Variants in MCC observed in about 807,000 individuals in gnomAD.
MCC encodes the protein MCC regulator of Wnt signaling pathway.
A neutral mutation model predicts 116.2 loss-of-function variants in MCC; 90 were observed. The ratio of observed to expected loss-of-function variants is 0.77; its 90% CI spans 0.65 to 0.92. The LOEUF (loss-of-function observed/expected upper bound fraction) is 0.92. Ranked by LOEUF, MCC falls within the 40% of genes least tolerant of loss-of-function variation. The probability of loss-of-function intolerance (pLI) is 0.00; values close to 1 mark genes in which losing one functional copy is unlikely to be tolerated. For synonymous variants in MCC, 578 were observed against 510.5 expected (o/e 1.13, Z -1.78); for missense variants, 1,516 against 1,312.2 (o/e 1.16, Z -2.40).
intron 3 of MCC, among the ~76,000 whole-genome samples, chr5:113,232,717 T>C (rs1763980371): frequency 6.6e-6 from 1 of 152,168 alleles, no homozygotes; most frequent in African/African-American, 2.4e-5. Context: ...GCAAATTAAG[T>C]ATAATTAATA....
At position 113,382,581 on chromosome 5, in the gene MCC, T is replaced by G. The variant is rs1198136179; in HGVS notation, c.415+2387A>C. Among the ~76,000 whole-genome samples, 3 of 152,160 alleles carry G rather than the reference T, an allele frequency of 2.0e-5. No individual in the cohort carries two copies. In the East Asian group the frequency reaches 5.8e-4, roughly 29 times the overall value. On this transcript the variant is annotated intron_variant, in intron 2 of 18. Transcript: ENST00000408903. ...ATTAGTGTCAATTTTTGGATGTATT[T>G]GATTTACGTTAGGCTGAATAGGGAG...
At chr5:113,142,309 G>C (rs1393363659) in intron 5 of MCC, among the ~76,000 whole-genome samples, 3 of 151,836 alleles carry the variant, frequency 2.0e-5, no homozygotes, top group African/African-American at 7.2e-5. Flanking sequence ...TCTCCAAAAA[G>C]GTAGGTGCCA....
chr5:113,097,018 T>C (rs1399722062), intron 8 of MCC, among the ~76,000 whole-genome samples: 1 of 152,134 alleles, frequency 6.6e-6, no homozygotes, highest in Admixed American at 6.5e-5. Context: ...AGAACTTTTA[T>C]GAATTTAAAC....
intron 6 of MCC, among the ~76,000 whole-genome samples, chr5:113,111,163 T>C (rs1757070749): frequency 1.3e-5 from 2 of 152,220 alleles, no homozygotes; most frequent in South Asian, 4.1e-4. Context: ...AAGATCCACA[T>C]ATGGCAGGTC....
chr5:113,416,190 A>C (rs1770141937), intron 1 of MCC, among the ~76,000 whole-genome samples: 1 of 152,200 alleles, frequency 6.6e-6, no homozygotes, highest in Non-Finnish European at 1.5e-5. Flanking sequence ...GCCATCTTGG[A>C]ATGGACCTAT....
At chr5:113,211,514 A>G (rs893958173) in intron 3 of MCC, among the ~76,000 whole-genome samples, 1 of 152,330 alleles carries the variant, frequency 6.6e-6, no homozygotes, top group South Asian at 2.1e-4. Flanking sequence ...AATCTTCTAC[A>G]TAGCCACTGG....
intron 1 of MCC, among the ~76,000 whole-genome samples, chr5:113,425,773 G>A (rs66572866): frequency 0.13 from 19,244 of 151,988 alleles, 1,440 homozygotes; most frequent in Non-Finnish European, 0.18. Context: ...ACAGACGAGT[G>A]TTGTTTTTCA....
intron 1 of MCC, among the ~76,000 whole-genome samples, chr5:113,386,754 C>T (rs1015217758): frequency 7.1e-6 from 1 of 141,100 alleles, no homozygotes; most frequent in East Asian, 2.1e-4. Context: ...ATATGTATAT[C>T]ATATATATAT....
At chr5:113,465,255 C>T (rs566783492) in intron 1 of MCC, among the ~76,000 whole-genome samples, 41 of 150,428 alleles carry the variant, frequency 2.7e-4, no homozygotes, top group Admixed American at 1.1e-3. Flanking sequence ...CAAAGTTGTA[C>T]ACACATTAAA....
intron 8 of MCC, among the ~76,000 whole-genome samples, chr5:113,090,549 G>C (rs1375147825): frequency 6.6e-6 from 1 of 152,164 alleles, no homozygotes; most frequent in Non-Finnish European, 1.5e-5. Context: ...AACAAAATTT[G>C]GACACGTTCC....
intron 3 of MCC, among the ~76,000 whole-genome samples, chr5:113,180,192 GTTTTTTTATTTGCC>G (rs1761550179): frequency 6.6e-6 from 1 of 152,002 alleles, no homozygotes; most frequent in Non-Finnish European, 1.5e-5. Flanking sequence ...ATCGTCACGT[GTTTTTTTATTTGCC>G]ATGTTCTCAT....
chr5:113,127,100 C>G (rs748065084), intron 5 of MCC, among the ~76,000 whole-genome samples: 62 of 151,858 alleles, frequency 4.1e-4, no homozygotes, highest in Non-Finnish European at 4.6e-4. Flanking sequence ...CTCCCACACA[C>G]AGTATTCAGT....
At chr5:113,233,521 C>G (rs1476438064) in intron 3 of MCC, among the ~76,000 whole-genome samples, 1 of 152,256 alleles carries the variant, frequency 6.6e-6, no homozygotes, top group East Asian at 1.9e-4. Flanking sequence ...ATCTTAAGCC[C>G]TCATTCCAAG....
chr5:113,292,051 G>A lies in MCC; in HGVS notation c.627+48468C>T, dbSNP rs113494566. 1.2e-3 allele frequency among the ~76,000 whole-genome samples: 182 copies of A among 152,148 alleles called. 2 individuals carry two copies. Among genetic ancestry groups the A allele is most frequent in the African/African-American group, 4.2e-3 (174 of 41,508 alleles). ...TTGAGACCAGCCTGGCCAACATAGC[G>A]AAACCTCTTCTCTACTAAAAATATA... On this transcript the variant is annotated intron_variant, in intron 3 of 18. Coordinates refer to ENST00000408903, the MANE Select transcript of MCC (RefSeq NM_001085377.2).
At chr5:113,286,760 G>A (rs1219648522) in intron 3 of MCC, among the ~76,000 whole-genome samples, 3 of 152,122 alleles carry the variant, frequency 2.0e-5, no homozygotes, top group African/African-American at 7.2e-5. Flanking sequence ...ACTTTCTCAA[G>A]GTTTAAGGTC....
intron 6 of MCC, among the ~76,000 whole-genome samples, chr5:113,114,373 G>T (rs962819097): frequency 6.6e-6 from 1 of 152,322 alleles, no homozygotes; most frequent in Non-Finnish European, 1.5e-5. Flanking sequence ...GAGCTCTCCT[G>T]TAAGTGTGTC....
intron 6 of MCC, among the ~76,000 whole-genome samples, chr5:113,119,364 T>C (rs1393762012): frequency 1.3e-5 from 2 of 151,846 alleles, no homozygotes; most frequent in Non-Finnish European, 2.9e-5. Context: ...GGCATGACTC[T>C]AGAGGGGAGG....
At chr5:113,142,346 C>T (rs909558543) in intron 5 of MCC, among the ~76,000 whole-genome samples, 3 of 151,806 alleles carry the variant, frequency 2.0e-5, no homozygotes, top group Non-Finnish European at 4.4e-5. Context: ...AGGCTGTTCC[C>T]GGAGCATCGC....
chr5:113,218,373 G>A (rs1763406925), intron 3 of MCC, among the ~76,000 whole-genome samples: 3 of 152,146 alleles, frequency 2.0e-5, no homozygotes, highest in Admixed American at 2.0e-4. Flanking sequence ...AGAGCTGAAT[G>A]TCAGGCAAGG....
Sources: allele counts gnomAD v4.1 joint callset (sites outside exome capture counted in the v4.1 genomes callset), GRCh38; gene constraint gnomAD v4.1.1; transcripts MANE v1.5; gene names NCBI Gene and HGNC (gene_info 2026-07-23, HGNC 2026-07-21).